The following NT5C3A variants were observed in gnomAD, a reference collection of about 807,000 sequenced individuals.
NT5C3A encodes cytosolic 5'-nucleotidase 3A.
Under a neutral mutation model 40.0 loss-of-function variants are expected in NT5C3A, and 23 were observed. The observed-to-expected ratio is 0.58, with a 90% CI of 0.41 to 0.81. The LOEUF is 0.81. Ranked by LOEUF, NT5C3A falls within the 40% of genes least tolerant of loss-of-function variation. The pLI is 0.00. For missense variants in NT5C3A, 328 were observed against 403.0 expected (o/e 0.81, Z 1.59); for synonymous variants, 130 against 141.4 (o/e 0.92, Z 0.57).
intron 1 of NT5C3A, among the ~76,000 whole-genome samples, chr7:33,042,618 T>C (rs566310915): frequency 2.6e-5 from 4 of 152,342 alleles, no homozygotes; most frequent in African/African-American, 4.8e-5. Context: ...TTAAAATACA[T>C]CACTTTGAAA....
intron 1 of NT5C3A, among the ~76,000 whole-genome samples, chr7:33,049,969 C>CA (rs61035673): frequency 0.18 from 9,780 of 55,112 alleles, 628 homozygotes; most frequent in African/African-American, 0.21. Context: ...GACTCCATCT[C>CA]AAAAAAAAAA....
At chr7:33,038,018 T>C (rs1562597555) in intron 1 of NT5C3A, among the ~76,000 whole-genome samples, 1 of 152,170 alleles carries the variant, frequency 6.6e-6, no homozygotes, top group Non-Finnish European at 1.5e-5. Flanking sequence ...AGAAGCTGCA[T>C]GCAAGTCTAT....
chr7:33,030,064 A>G lies in NT5C3A; in HGVS notation c.139-3149T>C, dbSNP rs1786162330. 2.6e-5 allele frequency among the ~76,000 whole-genome samples: 4 copies of G among 152,188 alleles called. No individual in the cohort carries two copies. In the South Asian group the frequency reaches 8.3e-4, roughly 31 times the overall value. ...GACCATTCTATCTGTCTTGGGTTAT[A>G]TAGTATACTATACTCCTCTCCTGCA... On this transcript the variant is annotated intron_variant, in intron 1 of 8. Coordinates refer to ENST00000610140, the MANE Select transcript of NT5C3A (RefSeq NM_001002010.5).
chr7:33,036,341 C>A, intron 1 of NT5C3A: 1 of 302,862 alleles, frequency 3.3e-6, no homozygotes, highest in East Asian at 7.7e-5. Flanking sequence ...AACCCTGGCC[C>A]AGCTTCCGTG....
At position 33,062,752 on chromosome 7, in the gene NT5C3A, C is replaced by G; in HGVS notation, c.-47G>C. On this transcript the variant is annotated 5_prime_UTR_variant, in exon 1 of 9. Transcript: ENST00000610140. ...CCAAGCAGGAAAAAAACAGGCAGCT[C>G]GCGTAGACTGCGAGTCTCGGAAGCG... The G allele has an allele frequency of 6.5e-7, 1 of 1,548,880 alleles. No individual in the cohort carries two copies. Among genetic ancestry groups the G allele is most frequent in the Non-Finnish European group, 8.7e-7 (1 of 1,146,574 alleles).
At chr7:33,028,302 T>C (rs892840786) in intron 1 of NT5C3A, among the ~76,000 whole-genome samples, 3 of 152,208 alleles carry the variant, frequency 2.0e-5, no homozygotes, top group Non-Finnish European at 1.5e-5. Flanking sequence ...TACAGAGTTA[T>C]GAAGACTTTA....
intron 1 of NT5C3A, 45 bp from the exon 2 acceptor site, chr7:33,026,960 C>A: frequency 7.5e-7 from 1 of 1,326,058 alleles, no homozygotes; most frequent in South Asian, 1.2e-5. Flanking sequence ...ATTCTTCTTT[C>A]CCCAGGTTCC....
chr7:33,050,120 G>C (rs1488311834), intron 1 of NT5C3A, among the ~76,000 whole-genome samples: 2 of 152,108 alleles, frequency 1.3e-5, no homozygotes, highest in Non-Finnish European at 2.9e-5. Flanking sequence ...TATTTCCTAA[G>C]TGAGTTAACA....
intron 1 of NT5C3A, among the ~76,000 whole-genome samples, chr7:33,039,698 C>A (rs949037441): frequency 6.6e-6 from 1 of 151,284 alleles, no homozygotes; most frequent in Admixed American, 6.6e-5. Flanking sequence ...ATTTTCAACT[C>A]AGCGGTGGGG....
chr7:33,026,708 G>C, intron 2 of NT5C3A, 109 bp downstream of exon 2: 1 of 749,606 alleles, frequency 1.3e-6, no homozygotes, highest in Non-Finnish European at 2.4e-6. Flanking sequence ...TGCCCAGGCT[G>C]GTCTCGAACT....
Position 33,060,965 on chromosome 7 carries a change from T to G in NT5C3A, c.138+1603A>C, listed in dbSNP as rs533373194. Among the ~76,000 whole-genome samples, 4 of 152,380 alleles carry G rather than the reference T, an allele frequency of 2.6e-5. 1 individual carries two copies. In the South Asian group the frequency reaches 8.3e-4, roughly 32 times the overall value. ...ACTATGCATACATGTAAATATTGAC[T>G]GATTTCTTTAGTACCAATAAGTTGG... On this transcript the variant is annotated intron_variant, in intron 1 of 8. Coordinates refer to ENST00000610140, the MANE Select transcript of NT5C3A (RefSeq NM_001002010.5).
chr7:33,031,219 C>T (rs576331896), intron 1 of NT5C3A, among the ~76,000 whole-genome samples: 2 of 151,980 alleles, frequency 1.3e-5, no homozygotes, highest in African/African-American at 4.8e-5. Flanking sequence ...TCCTAATTTC[C>T]AGGATGAGAT....
chr7:33,028,079 C>T (rs115518011), intron 1 of NT5C3A, among the ~76,000 whole-genome samples: 4,330 of 152,254 alleles, frequency 0.028, 90 homozygotes, highest in South Asian at 0.12. Flanking sequence ...TTTTATTGTA[C>T]TATTTTCCAA....
chr7:33,018,637 T>C (rs1785467089), intron 6 of NT5C3A, among the ~76,000 whole-genome samples: 1 of 151,900 alleles, frequency 6.6e-6, no homozygotes, highest in Non-Finnish European at 1.5e-5. Flanking sequence ...GATCACAAGG[T>C]CAGGAGATCG....
At chr7:33,032,085 A>T (rs1478885700) in intron 1 of NT5C3A, among the ~76,000 whole-genome samples, 2 of 151,982 alleles carry the variant, frequency 1.3e-5, no homozygotes, top group African/African-American at 4.8e-5. Context: ...AGATGGCACC[A>T]CTACACTCTA....
chr7:33,017,511 T>G lies in NT5C3A; in HGVS notation c.621A>C (p.Glu207Asp). ...FSAGIGDVLE[E>D]VIRQAGVYHP... Reference sequence around the variant, plus strand: ...GATAAACACCAGCTTGACGAATAACTTCCTCTAGTACATCGCCGATTCCAG... The same window carrying G: ...GATAAACACCAGCTTGACGAATAACGTCCTCTAGTACATCGCCGATTCCAG... Residue 207 changes from glutamate (E) to aspartate (D), a missense_variant, in exon 7 of 9, where the codon GAA becomes GAC. By Grantham distance (45) the Glu-to-Asp change is conservative. Around this residue, in one of 3 missense-constraint regions of NT5C3A, gnomAD observed 280 missense variants for 317.2 expected, o/e 0.88. Transcript: ENST00000610140. The G allele has an allele frequency of 6.2e-7, 1 of 1,613,636 alleles. No individual in the cohort carries two copies. The highest frequency in any genetic ancestry group is 8.5e-7 in the Non-Finnish European group (1 of 1,179,514).
intron 1 of NT5C3A, chr7:33,035,908 G>A (rs774273231): frequency 1.3e-6 from 2 of 1,582,526 alleles, no homozygotes; most frequent in East Asian, 4.5e-5. Flanking sequence ...ATTAATAAAT[G>A]GAACTGGAAA....
intron 1 of NT5C3A, among the ~76,000 whole-genome samples, chr7:33,053,866 T>A (rs1474033788): frequency 1.3e-5 from 2 of 152,136 alleles, no homozygotes; most frequent in Admixed American, 6.6e-5. Flanking sequence ...CTAGCTAATA[T>A]ACAAGTAGCT....
intron 6 of NT5C3A, among the ~76,000 whole-genome samples, chr7:33,018,302 G>A (rs1785448831): frequency 1.3e-5 from 2 of 152,050 alleles, no homozygotes; most frequent in Admixed American, 6.6e-5. Context: ...ATGTATTCTC[G>A]ACATCTGGCA....
Sources: gnomAD v4.1 joint callset for allele counts (sites outside exome capture counted in the v4.1 genomes callset) on GRCh38, gnomAD v4.1.1 for gene constraint, gnomAD v4.1.1 regional missense constraint, MANE v1.5 for transcripts, NCBI Gene and HGNC (gene_info 2026-07-23, HGNC 2026-07-21) for gene names.